The following EYA2 variants were observed in gnomAD, a reference collection of about 807,000 sequenced individuals.
EYA2 encodes the protein protein phosphatase EYA2.
In EYA2, 31 loss-of-function variants were observed where a neutral mutation model predicts 69.2. That is an observed-to-expected ratio of 0.45 (90% CI 0.34 to 0.60). The LOEUF (loss-of-function observed/expected upper bound fraction) is 0.60, where lower values mean the gene tolerates loss of function less well. Ranked by LOEUF, EYA2 falls within the 20% of genes least tolerant of loss-of-function variation. The probability of loss-of-function intolerance (pLI) is 0.02; values close to 1 mark genes in which losing one functional copy is unlikely to be tolerated. For missense variants in EYA2, 622 were observed against 701.2 expected (o/e 0.89, Z 1.28); for synonymous variants, 257 against 279.4 (o/e 0.92, Z 0.80).
chr20:47,106,428 C>T (rs543672181), intron 9 of EYA2, among the ~76,000 whole-genome samples: 8 of 152,170 alleles, frequency 5.3e-5, no homozygotes, highest in Non-Finnish European at 8.8e-5. Context: ...TTCTGTAACG[C>T]AATGGAATTC....
intron 1 of EYA2, among the ~76,000 whole-genome samples, chr20:46,933,147 C>T (rs905571428): frequency 6.6e-6 from 1 of 152,096 alleles, no homozygotes; most frequent in Non-Finnish European, 1.5e-5. Flanking sequence ...AGTTTTTGCC[C>T]CTATAGGTGG....
intron 1 of EYA2, among the ~76,000 whole-genome samples, chr20:46,898,589 G>A (rs1012585604): frequency 6.6e-6 from 1 of 152,202 alleles, no homozygotes; most frequent in African/African-American, 2.4e-5. Context: ...AATTAGCAGA[G>A]AATTCGCTGG....
intron 7 of EYA2, among the ~76,000 whole-genome samples, chr20:47,084,548 A>C (rs1341696629): frequency 6.6e-6 from 1 of 152,132 alleles, no homozygotes; most frequent in Non-Finnish European, 1.5e-5. Flanking sequence ...AAAAATAAAG[A>C]AATAAAAATA....
chr20:47,080,645 C>T (rs1262515449), intron 7 of EYA2, among the ~76,000 whole-genome samples: 1 of 152,054 alleles, frequency 6.6e-6, no homozygotes, highest in Non-Finnish European at 1.5e-5. Flanking sequence ...CTGATAAAGA[C>T]ACACCTGAAA....
chr20:47,143,113 C>CT lies in EYA2; in HGVS notation c.945dup (p.Ala316CysfsTer9). 6.2e-7 allele frequency: 1 copy of CT among 1,613,780 alleles called. No homozygotes were observed. Among genetic ancestry groups the CT allele is most frequent in the Non-Finnish European group, 8.5e-7 (1 of 1,179,864 alleles). On this transcript the variant is annotated frameshift_variant, in exon 10 of 16. Transcript: ENST00000327619. LOFTEE classifies it high-confidence loss of function. ...TATGATGGAAGAGATGATCTTCAAC[C>CT]TTGCAGATACACATCTGTTCTTCAA... is the stretch of plus-strand genomic sequence containing the variant.
chr20:46,919,866 C>G (rs1199450932), intron 1 of EYA2, among the ~76,000 whole-genome samples: 2 of 152,218 alleles, frequency 1.3e-5, no homozygotes, highest in Non-Finnish European at 2.9e-5. Context: ...AGCCATGCGA[C>G]TCTTCCTTTC....
Position 47,018,238 on chromosome 20 carries a change from C to G in EYA2, c.415+1941C>G, listed in dbSNP as rs772166421. On this transcript the variant is annotated intron_variant, in intron 5 of 15. Coordinates refer to ENST00000327619, the MANE Select transcript of EYA2 (RefSeq NM_005244.5). ...TGAAATGGAGACCCGGTCCCCGTAT[C>G]CCATTTTGACACCCCCTCAGCCACA... is the stretch of plus-strand genomic sequence containing the variant. Among the ~76,000 whole-genome samples the G allele has an allele frequency of 3.3e-5, 5 of 152,298 alleles. No homozygotes were observed. The East Asian group carries it at 9.7e-4, about 29-fold the overall frequency.
At chr20:47,173,197 C>G (rs1568826654) in intron 12 of EYA2, among the ~76,000 whole-genome samples, 1 of 152,134 alleles carries the variant, frequency 6.6e-6, no homozygotes, top group Non-Finnish European at 1.5e-5. Context: ...ACAGCATCAC[C>G]TGGGGATGTG....
intron 8 of EYA2, among the ~76,000 whole-genome samples, chr20:47,092,323 G>A (rs998149904): frequency 2.6e-5 from 4 of 152,126 alleles, no homozygotes; most frequent in African/African-American, 9.7e-5. Context: ...TTAGTCCAGG[G>A]AATTCTGTCC....
chr20:46,962,144 T>G (rs965115843), intron 1 of EYA2, among the ~76,000 whole-genome samples: 9 of 152,220 alleles, frequency 5.9e-5, no homozygotes, highest in Non-Finnish European at 1.2e-4. Context: ...TCCTCCCACC[T>G]CAGCCTCCTG....
chr20:47,081,306 A>G (rs2031704740), intron 7 of EYA2, among the ~76,000 whole-genome samples: 1 of 152,126 alleles, frequency 6.6e-6, no homozygotes, highest in Non-Finnish European at 1.5e-5. Flanking sequence ...TTGCTGAGAG[A>G]GTAGATTTTA....
chr20:47,057,066 AGGG>A (rs1417180756), intron 5 of EYA2, among the ~76,000 whole-genome samples: 2 of 103,612 alleles, frequency 1.9e-5, no homozygotes, highest in Non-Finnish European at 3.6e-5. Flanking sequence ...GGGAGAAAGA[AGGG>A]AGGGAGGGAG....
intron 1 of EYA2, among the ~76,000 whole-genome samples, chr20:46,989,198 G>T (rs1265114334): frequency 6.6e-6 from 1 of 152,166 alleles, no homozygotes; most frequent in East Asian, 1.9e-4. Flanking sequence ...GAGCTGTTGA[G>T]TGTTGCCACC....
intron 5 of EYA2, among the ~76,000 whole-genome samples, chr20:47,054,712 G>A (rs1363377576): frequency 6.6e-6 from 1 of 152,134 alleles, no homozygotes; most frequent in Non-Finnish European, 1.5e-5. Context: ...TCCCTCAGAT[G>A]TGTGACTCCG....
At chr20:47,121,635 T>C (rs1171810283) in intron 9 of EYA2, among the ~76,000 whole-genome samples, 2 of 152,188 alleles carry the variant, frequency 1.3e-5, no homozygotes, top group East Asian at 3.8e-4. Flanking sequence ...CTGGACAACA[T>C]AGATCCTGTC....
At chr20:46,979,580 A>C (rs1469356430) in intron 1 of EYA2, 1 of 151,878 alleles carries the variant, frequency 6.6e-6, no homozygotes. Context: ...AGGCTGTCTG[A>C]GTTCTCTCTT....
intron 1 of EYA2, among the ~76,000 whole-genome samples, chr20:46,922,322 G>A (rs1985214075): frequency 6.6e-6 from 1 of 152,168 alleles, no homozygotes; most frequent in Admixed American, 6.5e-5. Flanking sequence ...AAAATCTCTG[G>A]TAGATAAGAG....
chr20:46,929,297 AC>A (rs1985561029), intron 1 of EYA2, among the ~76,000 whole-genome samples: 1 of 152,144 alleles, frequency 6.6e-6, no homozygotes, highest in African/African-American at 2.4e-5. Context: ...GGAACTGGGA[AC>A]TGTTTATAGC....
rs1252211447 is a variant in EYA2, at chr20:47,065,434, A to G, written c.416-6751A>G. On this transcript the variant is annotated intron_variant, in intron 5 of 15. Coordinates refer to ENST00000327619, the MANE Select transcript of EYA2 (RefSeq NM_005244.5). ...GTGGAGCAAAAACACATACACATAC[A>G]GTCCCAAAACAGATATACAGTCTAA... 1.1e-4 allele frequency among the ~76,000 whole-genome samples: 17 copies of G among 152,206 alleles called. 1 individual carries two copies. Among genetic ancestry groups the G allele is most frequent in the Admixed American group, 1.1e-3 (17 of 15,276 alleles).
Sources: allele counts gnomAD v4.1 joint callset (sites outside exome capture counted in the v4.1 genomes callset), GRCh38; gene constraint gnomAD v4.1.1; transcripts MANE v1.5; gene names NCBI Gene and HGNC (gene_info 2026-07-23, HGNC 2026-07-21).